Variants in SAMD5 observed in about 807,000 individuals in gnomAD.
The protein encoded by SAMD5 is sterile alpha motif domain containing 5.
SAMD5 carries 13 observed loss-of-function variants against 11.3 expected under a neutral mutation model. That is an observed-to-expected ratio of 1.15 (90% confidence interval 0.75 to 1.83). The LOEUF is 1.83. Among genes scored for constraint, SAMD5 ranks in the 40% most tolerant of loss-of-function variants. SAMD5 has a pLI of 0.00. For missense variants in SAMD5, 255 were observed against 239.1 expected (o/e 1.07, Z -0.44); for synonymous variants, 129 against 111.3 (o/e 1.16, Z -1.00).
At chr6:147,803,652 C>T in the SAMD5 span, among the ~76,000 whole-genome samples, 1 of 152,170 alleles carries the variant, frequency 6.6e-6, no homozygotes, top group African/African-American at 2.4e-5. Context: ...AGTGAGTACA[C>T]TCACCCTCCA....
At chr6:147,643,531 G>A (rs1790345162) in intron 1 of SAMD5, among the ~76,000 whole-genome samples, 1 of 152,056 alleles carries the variant, frequency 6.6e-6, no homozygotes, top group Non-Finnish European at 1.5e-5. Context: ...AACATTTAGA[G>A]GGAAGAGAAA....
chr6:147,718,930 A>G (rs1425112619), intron 1 of SAMD5, among the ~76,000 whole-genome samples: 1 of 152,140 alleles, frequency 6.6e-6, no homozygotes, highest in Non-Finnish European at 1.5e-5. Context: ...ACCTCTGGTG[A>G]TCCGCCTGCC....
the SAMD5 span, among the ~76,000 whole-genome samples, chr6:147,896,521 G>A: frequency 6.6e-6 from 1 of 152,002 alleles, no homozygotes; most frequent in African/African-American, 2.4e-5. Context: ...CTGCAGGATG[G>A]TTTGCCACAT....
At chr6:147,860,665 A>T in the SAMD5 span, among the ~76,000 whole-genome samples, 7 of 152,310 alleles carry the variant, frequency 4.6e-5, no homozygotes, top group African/African-American at 1.7e-4. Flanking sequence ...GAATTGGAAA[A>T]GAAGTTGGTG....
In SAMD5 at chr6:147,711,167, A is replaced by T. The variant is rs17077263; in HGVS notation, c.163-26150A>T. ...TAATGGAGAACTTATTATTTATCCT[A>T]CCAGTCTCTTTCATTAAATCTTCAT... On this transcript the variant is annotated intron_variant, in intron 1 of 1. Coordinates refer to the SAMD5 transcript ENST00000566741. The surrounding 1 kb of genome is among the most constrained non-coding windows in gnomAD (Gnocchi z 4.1). 0.091 allele frequency among the ~76,000 whole-genome samples: 13,882 copies of T among 152,206 alleles called. 821 individuals carry two copies. The highest frequency in any genetic ancestry group is 0.16 in the African/African-American group (6,539 of 41,520).
At chr6:147,720,236 C>T (rs967755003) in intron 1 of SAMD5, among the ~76,000 whole-genome samples, 2 of 152,074 alleles carry the variant, frequency 1.3e-5, no homozygotes, top group Admixed American at 6.6e-5. Context: ...CCAGGGCGGG[C>T]GGATCACGAG....
the SAMD5 span, among the ~76,000 whole-genome samples, chr6:147,802,063 A>G: frequency 6.6e-6 from 1 of 152,148 alleles, no homozygotes; most frequent in Non-Finnish European, 1.5e-5. Flanking sequence ...GATAAACTAA[A>G]TTTTATCAAA....
At chr6:147,872,905 T>G in the SAMD5 span, among the ~76,000 whole-genome samples, 4 of 152,302 alleles carry the variant, frequency 2.6e-5, no homozygotes, top group African/African-American at 9.6e-5. Flanking sequence ...AGACAGGAAG[T>G]GTGTCCAATT....
At chr6:147,785,913 C>A in the SAMD5 span, among the ~76,000 whole-genome samples, 2 of 152,116 alleles carry the variant, frequency 1.3e-5, no homozygotes, top group Non-Finnish European at 2.9e-5. Context: ...ATACAACAAT[C>A]GCTTCTTGAA....
chr6:147,832,890 C>T, the SAMD5 span, among the ~76,000 whole-genome samples: 1 of 152,192 alleles, frequency 6.6e-6, no homozygotes, highest in South Asian at 2.1e-4. Flanking sequence ...GAGCTAGTCA[C>T]TAAGCTCAAC....
At chr6:147,763,271 T>G in the SAMD5 span, among the ~76,000 whole-genome samples, 1 of 152,200 alleles carries the variant, frequency 6.6e-6, no homozygotes, top group South Asian at 2.1e-4. Context: ...GCGATTCTTC[T>G]GCCTCAGCCT....
the SAMD5 span, among the ~76,000 whole-genome samples, chr6:147,744,673 G>A: frequency 3.3e-5 from 5 of 152,118 alleles, no homozygotes; most frequent in South Asian, 2.1e-4. Context: ...CAAGGCGGGC[G>A]GATCACCTGA....
intron 1 of SAMD5, among the ~76,000 whole-genome samples, chr6:147,510,430 C>A (rs913208069): frequency 2.0e-5 from 3 of 152,162 alleles, no homozygotes; most frequent in Non-Finnish European, 4.4e-5. Flanking sequence ...GGAATATGAG[C>A]ACCTCAGCTT....
chr6:147,827,966 A>ATTT, the SAMD5 span, among the ~76,000 whole-genome samples: 12 of 142,792 alleles, frequency 8.4e-5, no homozygotes, highest in South Asian at 4.5e-4. Flanking sequence ...ATTTTTCTGT[A>ATTT]TTTTTTTTTT....
In SAMD5 at chr6:147,600,321, G is replaced by T. The variant is rs571966966; in HGVS notation, c.162+90934G>T. On this transcript the variant is annotated intron_variant, in intron 1 of 1. Transcript: ENST00000566741. ...AGCCCTGCTCTAGGGAGTTCACCTGGGACTCAGCCTGTGCCTGCATAGAAA... is the reference window on the plus strand; with the variant it reads ...AGCCCTGCTCTAGGGAGTTCACCTGTGACTCAGCCTGTGCCTGCATAGAAA... Among the ~76,000 whole-genome samples the T allele has an allele frequency of 2.6e-5, 4 of 152,228 alleles. No individual in the cohort carries two copies. The South Asian group carries it at 6.2e-4, about 24-fold the overall frequency.
chr6:147,890,031 C>T, the SAMD5 span, among the ~76,000 whole-genome samples: 2 of 152,088 alleles, frequency 1.3e-5, no homozygotes, highest in East Asian at 1.9e-4. Flanking sequence ...AAAACTCTCT[C>T]GAGACAGTAG....
chr6:147,877,481 A>G, the SAMD5 span, among the ~76,000 whole-genome samples: 2 of 152,202 alleles, frequency 1.3e-5, no homozygotes, highest in Non-Finnish European at 1.5e-5. Context: ...TACAATGTCA[A>G]AATGTATTTG....
At chr6:147,908,654 G>A in the SAMD5 span, among the ~76,000 whole-genome samples, 1 of 152,168 alleles carries the variant, frequency 6.6e-6, no homozygotes, top group African/African-American at 2.4e-5. Flanking sequence ...GATTTGTGTA[G>A]ATACATATAT....
chr6:147,597,055 A>C (rs1485822319), intron 1 of SAMD5, among the ~76,000 whole-genome samples: 1 of 152,148 alleles, frequency 6.6e-6, no homozygotes, highest in Admixed American at 6.5e-5. Flanking sequence ...CAGCTGAGGA[A>C]TCACCTGGAT....
Sources: gnomAD v4.1 joint callset for allele counts (sites outside exome capture counted in the v4.1 genomes callset) on GRCh38, gnomAD v4.1.1 for gene constraint, Gnocchi (gnomAD v3.1) non-coding constraint, MANE v1.5 for transcripts, NCBI Gene and HGNC (gene_info 2026-07-23, HGNC 2026-07-21) for gene names.